Variants in FMN1 observed in about 807,000 individuals in gnomAD.
FMN1 encodes the protein formin 1, also known as formin-1.
FMN1 carries 110 observed loss-of-function variants against 132.4 expected under a neutral mutation model. The observed-to-expected ratio is 0.83, with a 90% CI of 0.71 to 0.97. The LOEUF (loss-of-function observed/expected upper bound fraction) is 0.97, where lower values mean the gene tolerates loss of function less well. Among genes scored for constraint, FMN1 ranks in the 50% least tolerant of loss-of-function variants. FMN1 has a pLI of 0.00. For synonymous variants in FMN1, 722 were observed against 651.7 expected, an observed-to-expected ratio of 1.11 and a Z score of -1.64; for missense variants, 1,792 against 1,705.3, an observed-to-expected ratio of 1.05 and a Z score of -0.90.
intron 13 of FMN1, among the ~76,000 whole-genome samples, chr15:32,900,615 C>T (rs963416434): frequency 1.3e-5 from 2 of 152,194 alleles, no homozygotes; most frequent in Non-Finnish European, 2.9e-5. Context: ...ATTTTCAGAG[C>T]TAAACTACAA....
intron 4 of FMN1, among the ~76,000 whole-genome samples, chr15:33,115,876 C>G (rs965731498): frequency 6.6e-6 from 1 of 152,116 alleles, no homozygotes; most frequent in Non-Finnish European, 1.5e-5. Context: ...GAGAGGAATT[C>G]TCCACCACCT....
At chr15:32,977,631 C>G (rs1239997767) in intron 7 of FMN1, among the ~76,000 whole-genome samples, 2 of 152,068 alleles carry the variant, frequency 1.3e-5, no homozygotes, top group African/African-American at 4.8e-5. Context: ...TCCTGTAGTT[C>G]TAAAACATTA....
intron 16 of FMN1, 140 bp from the exon 17 acceptor site, chr15:32,857,247 G>T (rs1408366043): frequency 4.6e-6 from 3 of 656,206 alleles, no homozygotes; most frequent in Non-Finnish European, 8.0e-6. Context: ...TCCAGGATTG[G>T]GGGGCAGGGG....
chr15:32,919,339 T>C (rs978889973), intron 10 of FMN1, among the ~76,000 whole-genome samples: 5 of 152,184 alleles, frequency 3.3e-5, no homozygotes, highest in African/African-American at 1.2e-4. Flanking sequence ...TCATCAGTTA[T>C]GGAAGTGGGT....
intron 15 of FMN1, 143 bp downstream of exon 15, chr15:32,898,691 T>G (rs1375765289): frequency 3.6e-6 from 2 of 555,696 alleles, no homozygotes; most frequent in Non-Finnish European, 6.5e-6. Context: ...TTGGTTTCAG[T>G]GTGCTCATCT....
At chr15:33,161,112 GCA>G (rs1482024802) in intron 3 of FMN1, among the ~76,000 whole-genome samples, 1 of 152,196 alleles carries the variant, frequency 6.6e-6, no homozygotes, top group African/African-American at 2.4e-5. Context: ...CTAGTCATTG[GCA>G]CAGTCTTTCC....
intron 4 of FMN1, among the ~76,000 whole-genome samples, chr15:33,112,710 C>A (rs1225201534): frequency 1.3e-5 from 2 of 152,152 alleles, no homozygotes; most frequent in African/African-American, 4.8e-5. Context: ...TACGTGATAA[C>A]AGTCACGGCT....
chr15:32,774,573 G>C (rs1377429767), intron 20 of FMN1, among the ~76,000 whole-genome samples: 1 of 151,958 alleles, frequency 6.6e-6, no homozygotes, highest in Non-Finnish European at 1.5e-5. Context: ...TCAATAACCA[G>C]CCAATCTACC....
chr15:33,110,740 T>A (rs2039670230), intron 4 of FMN1, among the ~76,000 whole-genome samples: 2 of 152,004 alleles, frequency 1.3e-5, no homozygotes, highest in Non-Finnish European at 2.9e-5. Flanking sequence ...AAAAATGCAA[T>A]ATTAAATCCC....
chr15:33,021,446 TAC>T (rs372662363), intron 6 of FMN1, among the ~76,000 whole-genome samples: 6 of 151,324 alleles, frequency 4.0e-5, no homozygotes, highest in South Asian at 2.1e-4. Flanking sequence ...TCTCTATGCA[TAC>T]ACACACACAC....
At chr15:33,057,826 T>C (rs1437560450) in intron 6 of FMN1, among the ~76,000 whole-genome samples, 1 of 152,232 alleles carries the variant, frequency 6.6e-6, no homozygotes, top group Non-Finnish European at 1.5e-5. Flanking sequence ...AAATAATTTG[T>C]TCTACAAAAG....
intron 20 of FMN1, among the ~76,000 whole-genome samples, chr15:32,775,162 G>A (rs1265431810): frequency 1.3e-5 from 2 of 152,188 alleles, no homozygotes; most frequent in Non-Finnish European, 2.9e-5. Context: ...TATGAGCTAT[G>A]AGATATGATG....
rs186501207 is a variant in FMN1 at position 32,960,914 on chromosome 15, G to A, written c.3138+3193C>T. Among the ~76,000 whole-genome samples the A allele has an allele frequency of 3.9e-3, 528 of 134,000 alleles. 4 individuals carry two copies. Among genetic ancestry groups the A allele is most frequent in the African/African-American group, 0.014 (516 of 36,108 alleles). The allele number at this position is 134,000 out of a possible 152,430, so 87.9% of individuals were successfully genotyped here. ...GGAGGCTGAAGCAGGAGAATTGCTT[G>A]AACCCCAGAGGCAGAGGTTGCAGTG... On this transcript the variant is annotated intron_variant, in intron 9 of 20. Transcript: ENST00000616417.
chr15:32,836,200 G>A (rs2058623644), intron 17 of FMN1, among the ~76,000 whole-genome samples: 2 of 152,034 alleles, frequency 1.3e-5, no homozygotes, highest in Admixed American at 1.3e-4. Context: ...TGTGCTTTTA[G>A]GAAGAAAGGG....
intron 6 of FMN1, among the ~76,000 whole-genome samples, chr15:33,040,211 C>CGG (rs1291447259): frequency 6.6e-6 from 1 of 152,256 alleles, no homozygotes; most frequent in African/African-American, 2.4e-5. Context: ...CTTACTCAAA[C>CGG]TATTGTCTCC....
At chr15:33,114,260 T>G (rs1307790338) in intron 4 of FMN1, among the ~76,000 whole-genome samples, 1 of 152,240 alleles carries the variant, frequency 6.6e-6, no homozygotes, top group Non-Finnish European at 1.5e-5. Context: ...AGTCCTTGCT[T>G]GTCCAAGGAC....
intron 4 of FMN1, among the ~76,000 whole-genome samples, chr15:33,118,504 C>T (rs1419463314): frequency 6.6e-6 from 1 of 152,112 alleles, no homozygotes; most frequent in East Asian, 1.9e-4. Context: ...ATTACCTTTA[C>T]ATAATTTATT....
rs971819754 is a variant in FMN1, at chr15:32,772,953, A to G, written c.*1357T>C. On this transcript the variant is annotated 3_prime_UTR_variant, in exon 21 of 21. Coordinates refer to ENST00000616417, the MANE Select transcript of FMN1 (RefSeq NM_001277313.2). ...AGGAAGGAATTTAAGATTTCTGCTC[A>G]TCTCTGGACTGTCCTCCACCAATTG... is the stretch of plus-strand genomic sequence containing the variant. The G allele has an allele frequency of 6.6e-6, 1 of 151,886 alleles. No homozygotes were observed. The highest frequency in any genetic ancestry group is 1.5e-5 in the Non-Finnish European group (1 of 68,032). The allele number at this position is 151,886 out of a possible 1,614,324, so 9.4% of individuals were successfully genotyped here. A position where few individuals can be genotyped will look rare whatever the true frequency, so the allele number is the denominator to read the frequency against.
At position 32,968,865 on chromosome 15, in the gene FMN1, G is replaced by T; in HGVS notation, c.2836C>A (p.Pro946Thr). ...PPNPGGPPPA[P>T]PPPGLAPPPP... ...GGGGGTGCAAGTCCTGGGGGTGGTG[G>T]AGCAGGAGGAGGCCCTCCAGGGTTG... The change falls in exon 8 of 21, where the codon CCA becomes ACA. Residue 946 changes from proline (P) to threonine (T), a missense_variant. Pro to Thr is a conservative substitution (Grantham distance 38). Coordinates refer to ENST00000616417, the MANE Select transcript of FMN1 (RefSeq NM_001277313.2). 8.4e-7 allele frequency: 1 copy of T among 1,190,616 alleles called. No homozygotes were observed. The highest frequency in any genetic ancestry group is 1.2e-6 in the Non-Finnish European group (1 of 811,554). The allele number at this position is 1,190,616 out of a possible 1,614,324, so 73.8% of individuals were successfully genotyped here. A position where few individuals can be genotyped will look rare whatever the true frequency, so the allele number is the denominator to read the frequency against.
Sources: gnomAD v4.1 joint callset for allele counts (sites outside exome capture counted in the v4.1 genomes callset) on GRCh38, gnomAD v4.1.1 for gene constraint, MANE v1.5 for transcripts, NCBI Gene and HGNC (gene_info 2026-07-23, HGNC 2026-07-21) for gene names.